Variants in SLC9A8 observed in about 807,000 individuals in gnomAD.
SLC9A8 encodes the protein sodium/hydrogen exchanger 8.
Under a neutral mutation model 66.6 loss-of-function variants are expected in SLC9A8, and 48 were observed. The observed-to-expected ratio is 0.72, with a 90% CI of 0.57 to 0.92. The LOEUF (loss-of-function observed/expected upper bound fraction) is 0.92. SLC9A8 is among the 40% of genes least tolerant of loss of function. The probability of loss-of-function intolerance (pLI) is 0.00; values close to 1 mark genes in which losing one functional copy is unlikely to be tolerated. For synonymous variants in SLC9A8, 274 were observed against 282.6 expected (o/e 0.97, Z 0.31); for missense variants, 599 against 747.3 (o/e 0.80, Z 2.31).
Position 49,823,047 on chromosome 20 carries a change from T to A in SLC9A8, c.209-14T>A. ...TGTTTTTTTTAAAACATTGTATTAT[T>A]TTTTTTTCCACAGCTATCTGCATCA... On this transcript the variant is annotated splice_polypyrimidine_tract_variant and intron_variant, in intron 2 of 15. Transcript: ENST00000361573. 1.2e-6 allele frequency: 2 copies of A among 1,603,382 alleles called. No individual in the cohort carries two copies. Among genetic ancestry groups the A allele is most frequent in the Non-Finnish European group, 1.7e-6 (2 of 1,170,748 alleles).
intron 14 of SLC9A8, among the ~76,000 whole-genome samples, chr20:49,885,079 C>G (rs1026632293): frequency 3.9e-5 from 6 of 152,242 alleles, no homozygotes; most frequent in African/African-American, 1.4e-4. Flanking sequence ...AGCTGGGCCC[C>G]TCACCCAGTG....
chr20:49,823,141 G>A lies in SLC9A8; in HGVS notation c.289G>A (p.Gly97Ser), dbSNP rs2086802533. 1 of 1,608,428 alleles carries A rather than the reference G, an allele frequency of 6.2e-7. No individual in the cohort carries two copies. The highest frequency in any genetic ancestry group is 8.5e-7 in the Non-Finnish European group (1 of 1,176,096). ...LPESVAVVSL[G>S]ILMGAVIKII... ...AGAGAGTGTTGCTGTTGTTTCTTTA[G>A]GTAAGTGTGTATTGGTGATTCCATA... The change falls in exon 3 of 16, where the codon GGT becomes AGT. Residue 97 changes from glycine (G) to serine (S), a missense_variant and splice_region_variant. Gly to Ser is a moderately conservative substitution (Grantham distance 56). This residue lies in a region of SLC9A8 where 132 missense variants were observed against 120.9 expected (regional missense o/e 1.09). Transcript: ENST00000361573.
At position 49,885,255 on chromosome 20, in the gene SLC9A8, G is replaced by A. The variant is rs1451475004; in HGVS notation, c.1491+1189G>A. Reference sequence around the variant, plus strand: ...GGGTATCAGAATCGGTGGGGGGCTTGCTACACACAGGCTGCTGGGTCTCAC... The same window carrying A: ...GGGTATCAGAATCGGTGGGGGGCTTACTACACACAGGCTGCTGGGTCTCAC... On this transcript the variant is annotated intron_variant, in intron 14 of 15. Transcript: ENST00000361573. 2.0e-5 allele frequency among the ~76,000 whole-genome samples: 3 copies of A among 152,238 alleles called. No homozygotes were observed. The East Asian group carries it at 5.8e-4, about 29-fold the overall frequency.
intron 1 of SLC9A8, among the ~76,000 whole-genome samples, chr20:49,813,362 A>G (rs1384224565): frequency 6.6e-6 from 1 of 152,068 alleles, no homozygotes; most frequent in Non-Finnish European, 1.5e-5. Context: ...TTTCTCCTTC[A>G]CTAAGTTTCA....
Position 49,839,611 on chromosome 20 carries a change from C to G in SLC9A8, c.348+12C>G, listed in dbSNP as rs752735172. ...TGGCGAATTGGAAGGTAGGTTTGCC[C>G]TTTGGTTGTTCTTAATTTTAGTAAC... On this transcript the variant is annotated intron_variant, in intron 4 of 15. Coordinates refer to ENST00000361573, the MANE Select transcript of SLC9A8 (RefSeq NM_015266.3). The G allele has an allele frequency of 6.3e-7, 1 of 1,581,968 alleles. No individual in the cohort carries two copies. Among genetic ancestry groups the G allele is most frequent in the South Asian group, 1.1e-5 (1 of 88,058 alleles).
chr20:49,844,965 T>C (rs1490045371), intron 4 of SLC9A8, 71 bp from the exon 5 acceptor site: 1 of 1,091,986 alleles, frequency 9.2e-7, no homozygotes, highest in Non-Finnish European at 1.4e-6. Context: ...TTATTTTGGC[T>C]CTTTATTGAT....
At chr20:49,854,683 C>G (rs1268875584) in intron 7 of SLC9A8, among the ~76,000 whole-genome samples, 1 of 152,174 alleles carries the variant, frequency 6.6e-6, no homozygotes, top group African/African-American at 2.4e-5. Context: ...TGACCTTGGA[C>G]AAGTTACTTC....
chr20:49,830,085 A>G, intron 3 of SLC9A8: 1 of 738,286 alleles, frequency 1.4e-6, no homozygotes, highest in Non-Finnish European at 2.5e-6. Flanking sequence ...CCTCATTTCC[A>G]TCATTTCCTG....
At chr20:49,819,907 G>A (rs902110989) in intron 2 of SLC9A8, among the ~76,000 whole-genome samples, 2 of 152,148 alleles carry the variant, frequency 1.3e-5, no homozygotes, top group Non-Finnish European at 2.9e-5. Context: ...ATATTCCACT[G>A]TATGGATATG....
chr20:49,828,056 A>G (rs1018022651), intron 3 of SLC9A8, among the ~76,000 whole-genome samples: 1 of 134,592 alleles, frequency 7.4e-6, no homozygotes, highest in Non-Finnish European at 1.6e-5. Flanking sequence ...AAGCCCCCGT[A>G]CCCCCACCAA....
intron 3 of SLC9A8, among the ~76,000 whole-genome samples, chr20:49,835,339 T>A (rs949930146): frequency 5.3e-5 from 8 of 151,648 alleles, no homozygotes; most frequent in Non-Finnish European, 1.0e-4. Context: ...GTTGTGATTT[T>A]AAAAAAAAGG....
intron 13 of SLC9A8, among the ~76,000 whole-genome samples, chr20:49,883,463 C>T: frequency 6.6e-6 from 1 of 152,168 alleles, no homozygotes; most frequent in Middle Eastern, 3.2e-3. Flanking sequence ...CTGTGAAGAT[C>T]CAGTGATGCT....
chr20:49,823,210 A>C (rs2086805286), intron 3 of SLC9A8, 69 bp downstream of exon 3: 11 of 1,163,068 alleles, frequency 9.5e-6, no homozygotes, highest in Non-Finnish European at 1.4e-5. Context: ...GTGCCTCTTT[A>C]GTGCCAGGAA....
chr20:49,814,880 G>A, intron 1 of SLC9A8, 128 bp from the exon 2 acceptor site: 1 of 651,320 alleles, frequency 1.5e-6, no homozygotes, highest in Non-Finnish European at 2.4e-6. Context: ...TTCTCTCGAA[G>A]GCCTGCCTGT....
chr20:49,866,032 G>A (rs1325276029), intron 10 of SLC9A8, among the ~76,000 whole-genome samples: 1 of 152,172 alleles, frequency 6.6e-6, no homozygotes, highest in East Asian at 1.9e-4. Flanking sequence ...TTTTGCAAAT[G>A]TGGACAGTCA....
chr20:49,830,569 G>T (rs1404409522), intron 3 of SLC9A8: 1 of 611,560 alleles, frequency 1.6e-6, no homozygotes, highest in Non-Finnish European at 2.9e-6. Flanking sequence ...TCGGGGGGTC[G>T]CTTTCCAGAA....
chr20:49,877,872 A>G (rs1213434805), intron 11 of SLC9A8, 109 bp from the exon 12 acceptor site: 11 of 675,096 alleles, frequency 1.6e-5, no homozygotes, highest in Non-Finnish European at 2.4e-5. Flanking sequence ...GAAAATAAGG[A>G]AAGTGTTGTA....
intron 2 of SLC9A8, 146 bp from the exon 3 acceptor site, chr20:49,822,915 A>G (rs2086791986): frequency 9.1e-6 from 6 of 655,972 alleles, no homozygotes; most frequent in Middle Eastern, 4.1e-4. Context: ...ATGAGACACG[A>G]AAAACACCGC....
rs2235619 is a variant in SLC9A8, at chr20:49,890,851, G to A, written c.*2915G>A. 3,457 of 152,414 alleles carry A rather than the reference G, an allele frequency of 0.023. 371 individuals are homozygous for A. In the East Asian group the frequency reaches 0.35, roughly 15 times the overall value. 9.4% of individuals were successfully genotyped at this position (152,414 alleles called of 1,614,324 possible). ...TGAGCTGGGCTGGGCTGGCTGGCAT[G>A]AGGCCAAGGGGTAGGCCTGAGCGCC... On this transcript the variant is annotated 3_prime_UTR_variant, in exon 16 of 16. Transcript: ENST00000361573.
Sources: allele counts gnomAD v4.1 joint callset (sites outside exome capture counted in the v4.1 genomes callset), GRCh38; gene constraint gnomAD v4.1.1; regional missense constraint gnomAD v4.1.1; transcripts MANE v1.5; gene names NCBI Gene and HGNC (gene_info 2026-07-23, HGNC 2026-07-21).